The following SNED1 variants were observed in gnomAD, a reference collection of about 807,000 sequenced individuals.
The protein encoded by SNED1 is sushi, nidogen and EGF like domains 1, also known as sushi, nidogen and EGF-like domain-containing protein 1.
In SNED1, 81 loss-of-function variants were observed where a neutral mutation model predicts 166.7. The ratio of observed to expected loss-of-function variants is 0.49; its 90% CI spans 0.41 to 0.58. SNED1 has a LOEUF of 0.58. Ranked by LOEUF, SNED1 falls within the 20% of genes least tolerant of loss-of-function variation. SNED1 has a pLI of 0.00. For missense variants in SNED1, 1,604 were observed against 2,000.2 expected (o/e 0.80, Z 3.78); for synonymous variants, 762 against 822.0 (o/e 0.93, Z 1.25).
chr2:241,049,763 G>A (rs777130286), intron 11 of SNED1, 54 bp from the exon 12 acceptor site: 49 of 1,419,744 alleles, frequency 3.5e-5, no homozygotes, highest in Non-Finnish European at 4.7e-5. Flanking sequence ...GCCTCTTGCC[G>A]CCCGCACAGA....
intron 9 of SNED1, 68 bp from the exon 10 acceptor site, chr2:241,048,594 G>C: frequency 6.6e-7 from 1 of 1,513,808 alleles, no homozygotes; most frequent in Non-Finnish European, 9.0e-7. Flanking sequence ...GAGCAGGGCA[G>C]GGTCTGGAGC....
At chr2:241,057,410 T>TATGC (rs1559276209) in intron 16 of SNED1, among the ~76,000 whole-genome samples, 1 of 123,878 alleles carries the variant, frequency 8.1e-6, no homozygotes, top group Non-Finnish European at 1.7e-5. Flanking sequence ...TATATATATA[T>TATGC]ATGCCATACG....
chr2:241,020,860 C>T (rs1288538123), intron 1 of SNED1, among the ~76,000 whole-genome samples: 2 of 152,094 alleles, frequency 1.3e-5, no homozygotes, highest in Non-Finnish European at 2.9e-5. Context: ...AGGAAGAGGC[C>T]ATCTACGGGC....
intron 17 of SNED1, chr2:241,063,313 T>C: frequency 1.9e-6 from 1 of 520,700 alleles, no homozygotes; most frequent in South Asian, 2.0e-5. Context: ...CAGGGAGCCG[T>C]GCCCAGTCGT....
Position 241,068,813 on chromosome 2 carries a change from C to G in SNED1, c.3195-98C>G. ...GCCACCAGCAGCAGGATGACCTCCCCGCAGTCACCTCCTGCCTGGGGGAGC... is the reference window on the plus strand; with the variant it reads ...GCCACCAGCAGCAGGATGACCTCCCGGCAGTCACCTCCTGCCTGGGGGAGC... On this transcript the variant is annotated intron_variant, in intron 22 of 31. Coordinates refer to ENST00000310397, the MANE Select transcript of SNED1 (RefSeq NM_001080437.3). This position sits in a 1 kb window ranked among gnomAD's most constrained non-coding sequence, Gnocchi z 5.3. 1.2e-6 allele frequency: 1 copy of G among 807,834 alleles called. No homozygotes were observed. The highest frequency in any genetic ancestry group is 2.0e-6 in the Non-Finnish European group (1 of 504,480). 50.0% of individuals were successfully genotyped at this position (807,834 alleles called of 1,614,324 possible). A position where few individuals can be genotyped will look rare whatever the true frequency, so the allele number is the denominator to read the frequency against.
At chr2:241,087,762 G>A (rs2063660400) in intron 30 of SNED1, 21 of 1,184,406 alleles carry the variant, frequency 1.8e-5, no homozygotes, top group Non-Finnish European at 2.2e-5. Flanking sequence ...GGAAGCACAG[G>A]GTGTTACGGA....
intron 12 of SNED1, among the ~76,000 whole-genome samples, chr2:241,050,974 A>G (rs1340480339): frequency 6.6e-6 from 1 of 152,200 alleles, no homozygotes; most frequent in African/African-American, 2.4e-5. Flanking sequence ...CAGGCCACCA[A>G]TGTGGACACC....
In SNED1 at chr2:241,051,760, C is replaced by A; in HGVS notation, c.1752C>A (p.Cys584Ter). The change falls in exon 13 of 32, where the codon TGC becomes TGA. Residue 584 changes from cysteine (C) to a stop codon, truncating the protein, a stop_gained. Coordinates refer to ENST00000310397, the MANE Select transcript of SNED1 (RefSeq NM_001080437.3). LOFTEE classifies it high-confidence loss of function. This position sits in a 1 kb window ranked among gnomAD's most constrained non-coding sequence, Gnocchi z 4.7. ...KHCEKARPHL[C>*]SSGPCRNGGT... is the part of the protein sequence containing the mutation. ...TCCACACAGCCCGGCCACACCTGTG[C>A]AGCTCAGGGCCCTGCCGGAACGGGG... 6.5e-7 allele frequency: 1 copy of A among 1,529,060 alleles called. No homozygotes were observed. The highest frequency in any genetic ancestry group is 8.8e-7 in the Non-Finnish European group (1 of 1,136,582). 94.7% of individuals were successfully genotyped at this position (1,529,060 alleles called of 1,614,324 possible).
At chr2:241,056,707 A>G (rs1215585487) in intron 16 of SNED1, among the ~76,000 whole-genome samples, 1 of 150,270 alleles carries the variant, frequency 6.7e-6, no homozygotes, top group African/African-American at 2.5e-5. Context: ...CAGCCTCCCG[A>G]GTAGCTGGGA....
At chr2:241,062,591 TCA>T (rs772181609) in intron 16 of SNED1, among the ~76,000 whole-genome samples, 198 bp from the exon 17 acceptor site, 106 of 152,282 alleles carry the variant, frequency 7.0e-4, no homozygotes, top group Admixed American at 1.6e-3. Context: ...CCCTGCTGCT[TCA>T]CAGACACAGC....
intron 8 of SNED1, among the ~76,000 whole-genome samples, chr2:241,047,912 T>C (rs2061699189): frequency 6.6e-6 from 1 of 151,442 alleles, no homozygotes; most frequent in Non-Finnish European, 1.5e-5. Context: ...TCTCCGGTGC[T>C]TCTTGTTCTG....
In SNED1 at chr2:241,073,068, G is replaced by C; in HGVS notation, c.3818-198G>C. The C allele has an allele frequency of 1.8e-6, 1 of 569,732 alleles. No homozygotes were observed. Among genetic ancestry groups the C allele is most frequent in the Non-Finnish European group, 3.1e-6 (1 of 319,366 alleles). The allele number at this position is 569,732 out of a possible 1,614,324, so 35.3% of individuals were successfully genotyped here. ...AAGGGGAAGGCCGAGCCCCTCCAGA[G>C]GGTCAGCAGGAGGGTGAGGCCAGCC... On this transcript the variant is annotated intron_variant, in intron 26 of 31. Transcript: ENST00000310397. This position sits in a 1 kb window ranked among gnomAD's most constrained non-coding sequence, Gnocchi z 6.6.
chr2:241,088,240 C>A (rs1375709294), intron 30 of SNED1, 125 bp from the exon 31 acceptor site: 18 of 735,156 alleles, frequency 2.4e-5, no homozygotes, highest in Non-Finnish European at 4.2e-5. Context: ...CTAATGGTGT[C>A]CCCCACCGTG....
intron 29 of SNED1, chr2:241,087,178 G>T (rs2063625855): frequency 1.8e-6 from 1 of 543,316 alleles, no homozygotes; most frequent in Non-Finnish European, 3.3e-6. Flanking sequence ...TTTATTTTAT[G>T]CATATTACTG....
Position 241,064,060 on chromosome 2 carries a change from A to G in SNED1, c.2534A>G (p.Glu845Gly), listed in dbSNP as rs892254117. The G allele has an allele frequency of 1.1e-5, 17 of 1,567,902 alleles. No homozygotes were observed. The highest frequency in any genetic ancestry group is 1.5e-5 in the Non-Finnish European group (17 of 1,157,970). ...CCCTGCCAGCATGGAGGCCGGTGTG[A>G]GAGCGGCGGCGGGGCCTACCTGTGC... The part of the protein sequence containing the change: ...SSPCQHGGRC[E>G]SGGGAYLCVC... Residue 845 changes from glutamate to glycine, a missense_variant, in exon 19 of 32, where the codon GAG (glutamate) becomes GGG (glycine). By Grantham distance (98) the Glu-to-Gly change is moderately conservative. Transcript: ENST00000310397. The surrounding 1 kb of genome is among the most constrained non-coding windows in gnomAD (Gnocchi z 7.0).
chr2:241,036,745 T>G (rs756079314), intron 4 of SNED1, 45 bp from the exon 5 acceptor site: 3 of 1,599,666 alleles, frequency 1.9e-6, no homozygotes, highest in Non-Finnish European at 2.5e-6. Flanking sequence ...TCCTGCCGAG[T>G]CCGGAGGCAG....
intron 28 of SNED1, 72 bp from the exon 29 acceptor site, chr2:241,082,205 G>A: frequency 7.8e-7 from 1 of 1,285,232 alleles, no homozygotes; most frequent in Non-Finnish European, 1.1e-6. Context: ...TCTCCCTTGG[G>A]CAAGGCCTCT....
intron 24 of SNED1, among the ~76,000 whole-genome samples, chr2:241,070,676 G>A (rs751400166): frequency 6.6e-6 from 1 of 152,222 alleles, no homozygotes; most frequent in South Asian, 2.1e-4. Context: ...GCTCGGAGTG[G>A]GGACAGATGC....
At chr2:241,085,192 A>T (rs1296058911) in intron 29 of SNED1, among the ~76,000 whole-genome samples, 1 of 152,036 alleles carries the variant, frequency 6.6e-6, no homozygotes, top group Non-Finnish European at 1.5e-5. Flanking sequence ...ATTTCTTCAT[A>T]TATTTTTCCT....
Sources: allele counts gnomAD v4.1 joint callset (sites outside exome capture counted in the v4.1 genomes callset), GRCh38; gene constraint gnomAD v4.1.1; non-coding constraint Gnocchi (gnomAD v3.1); transcripts MANE v1.5; gene names NCBI Gene and HGNC (gene_info 2026-07-23, HGNC 2026-07-21).